The following COL21A1 variants were observed in gnomAD, a reference collection of about 807,000 sequenced individuals.
COL21A1 encodes collagen type XXI alpha 1 chain.
COL21A1 carries 149 observed loss-of-function variants against 137.9 expected under a neutral mutation model. The ratio of observed to expected loss-of-function variants is 1.08; its 90% CI spans 0.95 to 1.24. The LOEUF is 1.24. Ranked by LOEUF, COL21A1 falls within the 50% of genes most tolerant of loss-of-function variation. COL21A1 has a pLI of 0.00. For missense variants in COL21A1, 1,167 were observed against 1,158.4 expected (o/e 1.01, Z -0.11); for synonymous variants, 456 against 391.5 (o/e 1.16, Z -1.95).
chr6:56,281,157 T>G (rs567523706), intron 1 of COL21A1, among the ~76,000 whole-genome samples: 1 of 152,168 alleles, frequency 6.6e-6, no homozygotes, highest in Non-Finnish European at 1.5e-5. Flanking sequence ...GTATTCCTAT[T>G]CCTAATTCCT....
chr6:56,209,840 G>A (rs902700545), intron 1 of COL21A1, among the ~76,000 whole-genome samples: 11 of 152,034 alleles, frequency 7.2e-5, no homozygotes, highest in South Asian at 2.1e-4. Flanking sequence ...TGTTTATTGC[G>A]GCACTGTTCA....
At chr6:56,306,946 G>A (rs1486587237) in intron 1 of COL21A1, among the ~76,000 whole-genome samples, 1 of 152,174 alleles carries the variant, frequency 6.6e-6, no homozygotes, top group Admixed American at 6.5e-5. Context: ...CTAACAGTCA[G>A]AACCCTTAGC....
At chr6:56,186,841 T>G (rs77657521) in intron 1 of COL21A1, among the ~76,000 whole-genome samples, 3,295 of 152,298 alleles carry the variant, frequency 0.022, 120 homozygotes, top group African/African-American at 0.075. Flanking sequence ...ATTATTAACA[T>G]GTCCACCCTC....
chr6:56,228,408 G>A (rs994565667), intron 1 of COL21A1, among the ~76,000 whole-genome samples: 6 of 151,708 alleles, frequency 4.0e-5, no homozygotes, highest in African/African-American at 1.5e-4. Context: ...AGGAGAAAGA[G>A]AATGACCCCA....
intron 3 of COL21A1, among the ~76,000 whole-genome samples, chr6:56,172,383 T>C (rs1777138888): frequency 6.6e-6 from 1 of 152,104 alleles, no homozygotes; most frequent in Admixed American, 6.6e-5. Flanking sequence ...TTCAAAGTGC[T>C]GAAAGGAAAG....
At chr6:56,353,895 A>G (rs935931360) in intron 1 of COL21A1, among the ~76,000 whole-genome samples, 4 of 152,248 alleles carry the variant, frequency 2.6e-5, no homozygotes, top group Non-Finnish European at 5.9e-5. Flanking sequence ...GAAATACAAG[A>G]GAACATAATT....
Position 56,090,002 on chromosome 6 carries a change from G to A in COL21A1, c.1812+11470C>T, listed in dbSNP as rs535758433. Among the ~76,000 whole-genome samples, 160 of 152,322 alleles carry A rather than the reference G, an allele frequency of 1.1e-3. 1 individual carries two copies. Among genetic ancestry groups the A allele is most frequent in the Middle Eastern group, 3.4e-3 (1 of 294 alleles). ...CACGCCTGTAATCCCAGCACTTTGG[G>A]AGGCTGAGGAGGGCGGATCATGATG... On this transcript the variant is annotated intron_variant, in intron 17 of 29. Coordinates refer to ENST00000244728, the MANE Select transcript of COL21A1 (RefSeq NM_030820.4).
intron 12 of COL21A1, among the ~76,000 whole-genome samples, chr6:56,139,233 C>T (rs1043740223): frequency 1.1e-4 from 17 of 152,110 alleles, no homozygotes; most frequent in African/African-American, 4.1e-4. Flanking sequence ...TCATGATCAT[C>T]ATCACTATCA....
At chr6:56,275,763 C>T (rs546822504) in intron 1 of COL21A1, among the ~76,000 whole-genome samples, 1 of 152,262 alleles carries the variant, frequency 6.6e-6, no homozygotes, top group South Asian at 2.1e-4. Context: ...CATGCTTATA[C>T]ACTGTTGGTG....
chr6:56,357,512 T>C (rs551595426), intron 1 of COL21A1, among the ~76,000 whole-genome samples: 3 of 152,348 alleles, frequency 2.0e-5, no homozygotes, highest in South Asian at 2.1e-4. Context: ...TGGGCTCTGA[T>C]TGTGATTTCT....
At chr6:56,209,349 A>G (rs187503029) in intron 1 of COL21A1, among the ~76,000 whole-genome samples, 29 of 152,292 alleles carry the variant, frequency 1.9e-4, no homozygotes, top group African/African-American at 7.0e-4. Flanking sequence ...GGCAACCTAG[A>G]GAATGGGAGA....
At chr6:56,345,619 G>T (rs17224995) in intron 1 of COL21A1, among the ~76,000 whole-genome samples, 1 of 152,040 alleles carries the variant, frequency 6.6e-6, no homozygotes, top group African/African-American at 2.4e-5. Flanking sequence ...ACGCCTGATC[G>T]CTACATCTTC....
chr6:56,215,573 A>G (rs1286435052), intron 1 of COL21A1, among the ~76,000 whole-genome samples: 1 of 152,062 alleles, frequency 6.6e-6, no homozygotes, highest in Non-Finnish European at 1.5e-5. Context: ...TCCCTGTGTG[A>G]CTAAAGCAAG....
chr6:56,117,505 A>T (rs1421284740), intron 16 of COL21A1, among the ~76,000 whole-genome samples: 1 of 152,024 alleles, frequency 6.6e-6, no homozygotes, highest in Non-Finnish European at 1.5e-5. Context: ...TCATCATTCC[A>T]TTTTCAGCAT....
At chr6:56,118,813 G>A (rs1772178817) in intron 16 of COL21A1, among the ~76,000 whole-genome samples, 1 of 151,934 alleles carries the variant, frequency 6.6e-6, no homozygotes, top group Non-Finnish European at 1.5e-5. Context: ...CATATAAACA[G>A]AATGACAGAT....
chr6:56,342,266 T>C (rs1214966830), intron 1 of COL21A1, among the ~76,000 whole-genome samples: 1 of 152,210 alleles, frequency 6.6e-6, no homozygotes, highest in Non-Finnish European at 1.5e-5. Flanking sequence ...ATTCTGGACA[T>C]GTATATACAT....
chr6:56,290,598 C>T (rs924453982), intron 1 of COL21A1, among the ~76,000 whole-genome samples: 2 of 150,624 alleles, frequency 1.3e-5, no homozygotes, highest in African/African-American at 4.9e-5. Flanking sequence ...TTCCCAGGTG[C>T]AAGTGATTCT....
intron 10 of COL21A1, among the ~76,000 whole-genome samples, chr6:56,144,661 G>C (rs1774697290): frequency 6.6e-6 from 1 of 152,138 alleles, no homozygotes; most frequent in Admixed American, 6.5e-5. Flanking sequence ...ATTTGTTATA[G>C]AGGACGCATT....
intron 29 of COL21A1, 125 bp from the exon 30 acceptor site, chr6:56,057,969 A>ATATAGT (rs1765473679): frequency 6.5e-6 from 4 of 619,984 alleles, no homozygotes; most frequent in Non-Finnish European, 1.0e-5. Flanking sequence ...TGCACTAATT[A>ATATAGT]TATAGTAGAG....
Sources: gnomAD v4.1 joint callset for allele counts (sites outside exome capture counted in the v4.1 genomes callset) on GRCh38, gnomAD v4.1.1 for gene constraint, MANE v1.5 for transcripts, NCBI Gene and HGNC (gene_info 2026-07-23, HGNC 2026-07-21) for gene names.